The following ANK1 variants were observed in gnomAD, a reference collection of about 807,000 sequenced individuals.
The protein encoded by ANK1 is ankyrin 1, also known as ankyrin-1.
A neutral mutation model predicts 210.4 loss-of-function variants in ANK1; 51 were observed. That is an observed-to-expected ratio of 0.24 (90% CI 0.19 to 0.31). The LOEUF (loss-of-function observed/expected upper bound fraction) is 0.31, where lower values mean the gene tolerates loss of function less well. Among genes scored for constraint, ANK1 ranks in the 10% least tolerant of loss-of-function variants. The pLI is 1.00. For synonymous variants in ANK1, 967 were observed against 1,025.9 expected (o/e 0.94, Z 1.10); for missense variants, 2,051 against 2,504.4 (o/e 0.82, Z 3.86).
intron 35 of ANK1, among the ~76,000 whole-genome samples, chr8:41,686,624 G>A (rs1480367041): frequency 6.6e-6 from 1 of 152,130 alleles, no homozygotes; most frequent in Non-Finnish European, 1.5e-5. Context: ...CTTCTGCAAG[G>A]TCACAGAGCC....
chr8:41,699,224 G>T (rs1821974241), intron 23 of ANK1, among the ~76,000 whole-genome samples: 1 of 152,160 alleles, frequency 6.6e-6, no homozygotes. Context: ...AGGGGAGCCT[G>T]GAAGAGGAGC....
In ANK1 at chr8:41,694,960, C is replaced by T. The variant is rs571387176; in HGVS notation, c.3116-157G>A. Among the ~76,000 whole-genome samples, 2 of 152,138 alleles carry T rather than the reference C, an allele frequency of 1.3e-5. No individual in the cohort carries two copies. The highest frequency in any genetic ancestry group is 2.9e-5 in the Non-Finnish European group (2 of 68,002). ...CCAGAAGAAGTGGCCAGAAGAAGTG[C>T]CCAGGCCCAGAGGCCCAGCAGAGCA... On this transcript the variant is annotated intron_variant, in intron 27 of 42. Coordinates refer to ENST00000289734, the MANE Select transcript of ANK1 (RefSeq NM_000037.4). The surrounding 1 kb of genome is among the most constrained non-coding windows in gnomAD (Gnocchi z 5.7).
intron 1 of ANK1, among the ~76,000 whole-genome samples, chr8:41,778,063 G>C (rs576215098): frequency 6.6e-6 from 1 of 152,224 alleles, no homozygotes; most frequent in South Asian, 2.1e-4. Context: ...AATTCGGTGG[G>C]ACTAGATAGA....
chr8:41,788,415 A>G (rs368930479), intron 1 of ANK1, among the ~76,000 whole-genome samples: 9 of 152,186 alleles, frequency 5.9e-5, no homozygotes, highest in African/African-American at 2.2e-4. Flanking sequence ...CAGTTTCCAA[A>G]CCTGCTATCC....
chr8:41,827,907 CGT>C (rs1420999886), intron 1 of ANK1, among the ~76,000 whole-genome samples: 2 of 151,432 alleles, frequency 1.3e-5, no homozygotes, highest in African/African-American at 4.9e-5. Flanking sequence ...TGCACACTCA[CGT>C]GCACACACCC....
At chr8:41,698,508 G>A (rs1396045144) in intron 23 of ANK1, among the ~76,000 whole-genome samples, 1 of 151,636 alleles carries the variant, frequency 6.6e-6, no homozygotes, top group African/African-American at 2.4e-5. Flanking sequence ...ATGGCCCAGT[G>A]GTTTCACTCC....
At chr8:41,781,931 C>T (rs1158838128) in intron 1 of ANK1, among the ~76,000 whole-genome samples, 8 of 152,198 alleles carry the variant, frequency 5.3e-5, no homozygotes, top group Admixed American at 5.2e-4. Context: ...TCCCCTGCTG[C>T]CTCACAGCTA....
rs982952169 is a variant in ANK1, at chr8:41,653,714, G to C, written c.*2076C>G. The C allele has an allele frequency of 6.6e-6, 1 of 152,322 alleles. No individual in the cohort carries two copies. Among genetic ancestry groups the C allele is most frequent in the African/African-American group, 2.4e-5 (1 of 41,470 alleles). The allele number at this position is 152,322 out of a possible 1,614,324, so 9.4% of individuals were successfully genotyped here. Reference sequence around the variant, plus strand: ...CCCCCCTGCCGTGGCCCCCGGGATGGGGGAGGATGGAGGGGGGCGCCTCTG... The same window carrying C: ...CCCCCCTGCCGTGGCCCCCGGGATGCGGGAGGATGGAGGGGGGCGCCTCTG... On this transcript the variant is annotated 3_prime_UTR_variant, in exon 43 of 43. Coordinates refer to ENST00000289734, the MANE Select transcript of ANK1 (RefSeq NM_000037.4).
intron 40 of ANK1, 38 bp from the exon 41 acceptor site, chr8:41,661,979 CCGGGCT>C: frequency 1.2e-6 from 2 of 1,609,668 alleles, no homozygotes; most frequent in Middle Eastern, 1.7e-4. Context: ...GCTGGTCAGG[CCGGGCT>C]CGGGGGCTCA....
Position 41,668,428 on chromosome 8 carries a change from C to T in ANK1, c.5233G>A (p.Gly1745Ser), listed in dbSNP as rs765493524. 43 of 1,614,108 alleles carry T rather than the reference C, an allele frequency of 2.7e-5. No individual in the cohort carries two copies. The highest frequency in any genetic ancestry group is 8.0e-5 in the African/African-American group (6 of 74,938). ...TSTMTEGLEP[G>S]GSQEYEKVLV... ...ACCTTCTCGTACTCCTGAGATCCACCGGGCTCTAGCCCTTCAGTCATGGTA... is the reference window on the plus strand; with the variant it reads ...ACCTTCTCGTACTCCTGAGATCCACTGGGCTCTAGCCCTTCAGTCATGGTA... The change falls in exon 39 of 43, where the codon GGT becomes AGT. Residue 1745 changes from glycine (G) to serine (S), a missense_variant. Around this residue, in one of 6 missense-constraint regions of ANK1, gnomAD observed 496 missense variants for 533.4 expected, o/e 0.93. Coordinates refer to ENST00000289734, the MANE Select transcript of ANK1 (RefSeq NM_000037.4).
Position 41,695,164 on chromosome 8 carries a change from C to A in ANK1, c.3115+13G>T, listed in dbSNP as rs187334145. On this transcript the variant is annotated intron_variant, in intron 27 of 42. Transcript: ENST00000289734. ...CAAGGAGGGGACCCAGCCCTGGGAT[C>A]CCCCGCCCCTACCTTCGTCCATCCC... 4.3e-6 allele frequency: 7 copies of A among 1,613,874 alleles called. No individual in the cohort carries two copies. Among genetic ancestry groups the A allele is most frequent in the South Asian group, 1.1e-5 (1 of 91,068 alleles).
chr8:41,722,286 T>G (rs1467789883), intron 9 of ANK1, among the ~76,000 whole-genome samples: 2 of 152,254 alleles, frequency 1.3e-5, no homozygotes, highest in African/African-American at 4.8e-5. Context: ...GTGTGGGGAC[T>G]ATGAATCATG....
chr8:41,692,540 C>T lies in ANK1; in HGVS notation c.3858+108G>A. 1.8e-6 allele frequency: 2 copies of T among 1,085,054 alleles called. 1 individual carries two copies. Among genetic ancestry groups the T allele is most frequent in the South Asian group, 2.6e-5 (2 of 76,410 alleles). 67.2% of individuals were successfully genotyped at this position (1,085,054 alleles called of 1,614,324 possible). On this transcript the variant is annotated intron_variant, in intron 31 of 42. Transcript: ENST00000289734. Reference sequence around the variant, plus strand: ...GTCTCAAAGACAGACAGCTGTGGAGCCCCTCGTCTACAGAGGGAGGACTGC... The same window carrying T: ...GTCTCAAAGACAGACAGCTGTGGAGTCCCTCGTCTACAGAGGGAGGACTGC...
At chr8:41,847,940 G>A (rs1248694942) in intron 1 of ANK1, among the ~76,000 whole-genome samples, 2 of 152,058 alleles carry the variant, frequency 1.3e-5, no homozygotes, top group South Asian at 2.1e-4. Flanking sequence ...AGGCCGAGGC[G>A]GGCAGATCAC....
At chr8:41,813,164 A>C (rs1013899359) in intron 1 of ANK1, among the ~76,000 whole-genome samples, 3 of 152,262 alleles carry the variant, frequency 2.0e-5, no homozygotes, top group Non-Finnish European at 2.9e-5. Flanking sequence ...CACATTTTGC[A>C]GTTTGAATGT....
At position 41,704,403 on chromosome 8, in the gene ANK1, G is replaced by T. The variant is rs150899388; in HGVS notation, c.2167C>A (p.His723Asn). 1,311 of 1,614,188 alleles carry T rather than the reference G, an allele frequency of 8.1e-4. 8 individuals carry two copies. Among genetic ancestry groups the T allele is most frequent in the South Asian group, 6.0e-3 (551 of 91,084 alleles). The change falls in exon 19 of 43, where the codon CAC becomes AAC. Residue 723 changes from histidine to asparagine, a missense_variant. By Grantham distance (68) the His-to-Asn change is moderately conservative (BLOSUM62 1). Transcript: ENST00000289734. This position sits in a 1 kb window ranked among gnomAD's most constrained non-coding sequence, Gnocchi z 4.1. Reference sequence around the variant, plus strand: ...GTCTTGGCATTGACATCTGCCTGGTGCTGCAGCAGAAACTTCACCAGCTTG... The same window carrying T: ...GTCTTGGCATTGACATCTGCCTGGTTCTGCAGCAGAAACTTCACCAGCTTG... ...NIKLVKFLLQHQADVNAKTKL... is the reference protein window; with the variant it reads ...NIKLVKFLLQNQADVNAKTKL...
Position 41,680,802 on chromosome 8 carries a change from G to A in ANK1, c.4537+3742C>T, listed in dbSNP as rs963187825. On this transcript the variant is annotated intron_variant, in intron 37 of 42. Coordinates refer to ENST00000289734, the MANE Select transcript of ANK1 (RefSeq NM_000037.4). ...CAGCAATACTTGCAGAAGCACAAGT[G>A]CATCCTCATGAGGAACATCTCACAG... 1.5e-4 allele frequency among the ~76,000 whole-genome samples: 23 copies of A among 152,188 alleles called. 1 individual carries two copies. The highest frequency in any genetic ancestry group is 5.6e-4 in the African/African-American group (23 of 41,440).
chr8:41,825,724 G>A (rs758066741), intron 1 of ANK1, among the ~76,000 whole-genome samples: 9 of 152,212 alleles, frequency 5.9e-5, no homozygotes, highest in Non-Finnish European at 1.3e-4. Flanking sequence ...CATGTTGTGG[G>A]AGGGACCCGG....
intron 11 of ANK1, 90 bp downstream of exon 11, chr8:41,718,016 C>T: frequency 8.0e-7 from 1 of 1,248,130 alleles, no homozygotes; most frequent in Non-Finnish European, 1.2e-6. Flanking sequence ...ACCCCTGCAG[C>T]CATACAAAGC....
Sources: gnomAD v4.1 joint callset for allele counts (sites outside exome capture counted in the v4.1 genomes callset) on GRCh38, gnomAD v4.1.1 for gene constraint, gnomAD v4.1.1 regional missense constraint, Gnocchi (gnomAD v3.1) non-coding constraint, MANE v1.5 for transcripts, NCBI Gene and HGNC (gene_info 2026-07-23, HGNC 2026-07-21) for gene names.